Variants in KCNAB1 observed in about 807,000 individuals in gnomAD.
The protein encoded by KCNAB1 is voltage-gated potassium channel subunit beta-1.
In KCNAB1, 35 loss-of-function variants were observed where a neutral mutation model predicts 64.6. The observed-to-expected ratio is 0.54, with a 90% CI of 0.41 to 0.72. The LOEUF (loss-of-function observed/expected upper bound fraction) is 0.72, where lower values mean the gene tolerates loss of function less well. Ranked by LOEUF, KCNAB1 falls within the 30% of genes least tolerant of loss-of-function variation. KCNAB1 has a pLI of 0.00. For missense variants in KCNAB1, 401 were observed against 512.9 expected, an observed-to-expected ratio of 0.78 and a Z score of 2.11; for synonymous variants, 177 against 183.8, an observed-to-expected ratio of 0.96 and a Z score of 0.30.
At chr3:156,128,523 G>A (rs114120869) in intron 1 of KCNAB1, among the ~76,000 whole-genome samples, 1,698 of 152,326 alleles carry the variant, frequency 0.011, 32 homozygotes, top group African/African-American at 0.037. Context: ...CCTACAATTT[G>A]TAGTATCCTT....
At chr3:156,343,432 G>A (rs1001207853) in intron 1 of KCNAB1, among the ~76,000 whole-genome samples, 5 of 152,202 alleles carry the variant, frequency 3.3e-5, no homozygotes, top group African/African-American at 1.2e-4. Flanking sequence ...GGGAGTTTGT[G>A]ATGGTTCCAT....
chr3:156,467,892 T>G (rs1230416134), intron 7 of KCNAB1, among the ~76,000 whole-genome samples: 1 of 152,108 alleles, frequency 6.6e-6, no homozygotes, highest in Non-Finnish European at 1.5e-5. Context: ...TCTCCTTATT[T>G]ATATATTTAT....
chr3:156,474,609 C>A, intron 7 of KCNAB1, 125 bp from the exon 8 acceptor site: 2 of 639,252 alleles, frequency 3.1e-6, no homozygotes, highest in Non-Finnish European at 2.8e-6. Context: ...TCATTGTATT[C>A]AACGCATTTT....
At chr3:156,186,024 T>G (rs1713167029) in intron 1 of KCNAB1, among the ~76,000 whole-genome samples, 2 of 152,192 alleles carry the variant, frequency 1.3e-5, no homozygotes, top group African/African-American at 4.8e-5. Flanking sequence ...CTAAATATTC[T>G]CTTCTCTGCA....
chr3:156,163,187 G>A (rs1716182545), intron 1 of KCNAB1, among the ~76,000 whole-genome samples: 1 of 152,144 alleles, frequency 6.6e-6, no homozygotes, highest in Non-Finnish European at 1.5e-5. Flanking sequence ...CTCAAGTGCT[G>A]AATACCCATA....
intron 8 of KCNAB1, among the ~76,000 whole-genome samples, chr3:156,504,267 ATTCCATTG>A (rs1716661025): frequency 6.6e-6 from 1 of 152,204 alleles, no homozygotes; most frequent in Non-Finnish European, 1.5e-5. Context: ...GCTGAATAAT[ATTCCATTG>A]AGTATCTATA....
intron 1 of KCNAB1, among the ~76,000 whole-genome samples, chr3:156,229,089 G>T (rs1678942728): frequency 6.6e-6 from 1 of 152,120 alleles, no homozygotes; most frequent in Admixed American, 6.5e-5. Context: ...TGAGGGAGAG[G>T]TTTGAAACTC....
intron 1 of KCNAB1, among the ~76,000 whole-genome samples, chr3:156,260,007 C>T (rs1190778573): frequency 6.6e-6 from 1 of 152,178 alleles, no homozygotes; most frequent in Non-Finnish European, 1.5e-5. Flanking sequence ...TGTCTAGTAT[C>T]TCAGCCTTGT....
intron 1 of KCNAB1, among the ~76,000 whole-genome samples, chr3:156,383,018 A>G (rs1712288464): frequency 1.3e-5 from 2 of 152,130 alleles, no homozygotes; most frequent in Non-Finnish European, 2.9e-5. Context: ...CTACGTCTGA[A>G]CTTTGTTGGT....
intron 1 of KCNAB1, among the ~76,000 whole-genome samples, chr3:156,250,399 TCTC>T (rs1009562208): frequency 6.6e-6 from 1 of 152,162 alleles, no homozygotes; most frequent in Non-Finnish European, 1.5e-5. Flanking sequence ...TCATTATTTT[TCTC>T]CTCCTCCTCC....
intron 1 of KCNAB1, among the ~76,000 whole-genome samples, chr3:156,244,297 C>T (rs1031732734): frequency 6.6e-6 from 1 of 152,190 alleles, no homozygotes; most frequent in Admixed American, 6.5e-5. Context: ...ACTCCAACCT[C>T]CAGTTCTGTC....
chr3:156,197,165 A>G (rs144288881), intron 1 of KCNAB1, among the ~76,000 whole-genome samples: 1,956 of 152,252 alleles, frequency 0.013, 19 homozygotes, highest in Non-Finnish European at 0.019. Flanking sequence ...CTTGATCGTG[A>G]TGGATAAACT....
intron 1 of KCNAB1, among the ~76,000 whole-genome samples, chr3:156,241,180 G>C (rs1365977132): frequency 3.3e-5 from 5 of 152,214 alleles, no homozygotes; most frequent in Non-Finnish European, 7.3e-5. Context: ...TAGCCAAGAA[G>C]ACAAACTTAT....
At chr3:156,468,510 T>C (rs1713606011) in intron 7 of KCNAB1, among the ~76,000 whole-genome samples, 1 of 152,162 alleles carries the variant, frequency 6.6e-6, no homozygotes, top group Admixed American at 6.5e-5. Context: ...GTTCCAACTC[T>C]GTGATTTATG....
intron 1 of KCNAB1, among the ~76,000 whole-genome samples, chr3:156,405,388 G>A (rs1289715313): frequency 6.6e-6 from 1 of 152,188 alleles, no homozygotes; most frequent in Non-Finnish European, 1.5e-5. Flanking sequence ...CTTCACAAGG[G>A]TTCGTCTTAC....
chr3:156,145,078 T>C (rs1045275806), intron 1 of KCNAB1, among the ~76,000 whole-genome samples: 1 of 152,058 alleles, frequency 6.6e-6, no homozygotes, highest in Non-Finnish European at 1.5e-5. Context: ...TCCCCATAGG[T>C]TTTGGGCGAC....
chr3:156,270,728 A>T (rs1485815473), intron 1 of KCNAB1, among the ~76,000 whole-genome samples: 1 of 152,180 alleles, frequency 6.6e-6, no homozygotes, highest in Admixed American at 6.5e-5. Flanking sequence ...TAGTTTATAT[A>T]CCACAATTAC....
chr3:156,358,502 A>G (rs1260356340), intron 1 of KCNAB1, among the ~76,000 whole-genome samples: 2 of 152,174 alleles, frequency 1.3e-5, no homozygotes, highest in African/African-American at 4.8e-5. Context: ...CTCCTCCCTC[A>G]TCTTGCCTCC....
At chr3:156,134,019 T>G (rs770775444) in intron 1 of KCNAB1, among the ~76,000 whole-genome samples, 1 of 152,222 alleles carries the variant, frequency 6.6e-6, no homozygotes, top group Non-Finnish European at 1.5e-5. Context: ...TAAGCCTCAT[T>G]CATCTGACAT....
Sources: gnomAD v4.1 joint callset for allele counts (sites outside exome capture counted in the v4.1 genomes callset) on GRCh38, gnomAD v4.1.1 for gene constraint, MANE v1.5 for transcripts, NCBI Gene and HGNC (gene_info 2026-07-23, HGNC 2026-07-21) for gene names.